Variants in FYCO1 observed in about 807,000 individuals in gnomAD.
FYCO1 encodes the protein FYVE and coiled-coil domain autophagy adaptor 1.
FYCO1 carries 122 observed loss-of-function variants against 165.1 expected under a neutral mutation model. That is an observed-to-expected ratio of 0.74 (90% CI 0.64 to 0.86). The LOEUF (loss-of-function observed/expected upper bound fraction) is 0.86. Among genes scored for constraint, FYCO1 ranks in the 40% least tolerant of loss-of-function variants. The probability of loss-of-function intolerance (pLI) is 0.00; values close to 1 mark genes in which losing one functional copy is unlikely to be tolerated. For synonymous variants in FYCO1, 648 were observed against 742.5 expected (o/e 0.87, Z 2.07); for missense variants, 1,702 against 1,810.3 (o/e 0.94, Z 1.09).
intron 1 of FYCO1, among the ~76,000 whole-genome samples, chr3:45,991,890 G>A (rs538461706): frequency 1.9e-3 from 290 of 152,306 alleles, no homozygotes; most frequent in Non-Finnish European, 3.1e-3. Flanking sequence ...ATGAGGCCAT[G>A]AGAGTGGGCC....
At chr3:45,931,760 T>C (rs750906955) in intron 15 of FYCO1, among the ~76,000 whole-genome samples, 1 of 152,244 alleles carries the variant, frequency 6.6e-6, no homozygotes, top group South Asian at 2.1e-4. Context: ...CCTTCTGATA[T>C]AGTCCATCTT....
rs376895837 is a variant in FYCO1, at chr3:45,965,222, TTC to T, written c.3058-99_3058-98del. On this transcript the variant is annotated intron_variant, in intron 8 of 17. Transcript: ENST00000296137. The stretch of plus-strand genomic sequence containing the variant: ...CCAAACAGATAAAACCAAGCTAACT[TTC>T]TCTTTTTCCCTGCAAACTGGCTCCT... The T allele has an allele frequency of 2.5e-3, 2,302 of 910,336 alleles. 5 individuals carry two copies. The highest frequency in any genetic ancestry group is 3.6e-3 in the Non-Finnish European group (2,049 of 570,250). 56.4% of individuals were successfully genotyped at this position (910,336 alleles called of 1,614,324 possible). A position where few individuals can be genotyped will look rare whatever the true frequency, so the allele number is the denominator to read the frequency against.
At chr3:45,932,555 C>T (rs1254343462) in intron 15 of FYCO1, among the ~76,000 whole-genome samples, 1 of 152,226 alleles carries the variant, frequency 6.6e-6, no homozygotes, top group Non-Finnish European at 1.5e-5. Flanking sequence ...AAATGTATTA[C>T]TATCCCCTTT....
Position 45,973,072 on chromosome 3 carries a change from C to T in FYCO1, c.539+16G>A, listed in dbSNP as rs757067238. On this transcript the variant is annotated intron_variant, in intron 6 of 17. Transcript: ENST00000296137. The stretch of plus-strand genomic sequence containing the variant: ...CTCTTTTCCTGTCTTTTAAACCAAG[C>T]AATCCTTCAAAGTACCTGGCAAATG... The T allele has an allele frequency of 1.2e-6, 2 of 1,613,966 alleles. No homozygotes were observed. Among genetic ancestry groups the T allele is most frequent in the African/African-American group, 2.7e-5 (2 of 74,914 alleles).
At position 45,967,213 on chromosome 3, in the gene FYCO1, G is replaced by T. The variant is rs761520600; in HGVS notation, c.2121C>A (p.Gly707=). ...CCTCCTCCCGCAGCTGCTGACACTCGCCCTCCTTGCTCTGTAGAATGGCCT... is the reference window on the plus strand; with the variant it reads ...CCTCCTCCCGCAGCTGCTGACACTCTCCCTCCTTGCTCTGTAGAATGGCCT... ...EKEAILQSKE[G]ECQQLREEVE... The change falls in exon 8 of 18, where the codon GGC becomes GGA. Residue 707 remains glycine (G), a synonymous_variant. Transcript: ENST00000296137. 1.1e-5 allele frequency: 18 copies of T among 1,613,834 alleles called. No individual in the cohort carries two copies. The East Asian group carries it at 4.0e-4, about 36-fold the overall frequency.
intron 13 of FYCO1, 107 bp from the exon 14 acceptor site, chr3:45,955,500 C>T: frequency 8.0e-7 from 1 of 1,252,986 alleles, no homozygotes; most frequent in Non-Finnish European, 1.2e-6. Flanking sequence ...GCAGAACAAG[C>T]TGCTGAGGCA....
chr3:45,988,384 C>T (rs1021103254), intron 1 of FYCO1, among the ~76,000 whole-genome samples: 32 of 152,178 alleles, frequency 2.1e-4, no homozygotes, highest in Admixed American at 4.6e-4. Context: ...ATAAGCTTGC[C>T]CTTTCATTGA....
At chr3:45,947,403 T>G in intron 14 of FYCO1, 2 of 1,614,252 alleles carry the variant, frequency 1.2e-6, no homozygotes, top group Middle Eastern at 1.6e-4. Flanking sequence ...GGACATTGGT[T>G]GCCTCCCTTA....
chr3:45,934,652 A>G (rs950514486), intron 15 of FYCO1, among the ~76,000 whole-genome samples: 11 of 152,266 alleles, frequency 7.2e-5, no homozygotes, highest in African/African-American at 1.2e-4. Context: ...AAGTCAATCA[A>G]TGCAATCCAT....
Position 45,962,104 on chromosome 3 carries a change from T to C in FYCO1, c.3437+121A>G, listed in dbSNP as rs927431539. On this transcript the variant is annotated intron_variant, in intron 11 of 17. Transcript: ENST00000296137. This position sits in a 1 kb window ranked among gnomAD's most constrained non-coding sequence, Gnocchi z 4.4. The stretch of plus-strand genomic sequence containing the variant: ...AGATGGAGAAGGAGAGAGGGGCTCC[T>C]GAGACAGCAGCAAGAAAGTGGGGAA... The C allele has an allele frequency of 6.3e-6, 7 of 1,119,570 alleles. No homozygotes were observed. Among genetic ancestry groups the C allele is most frequent in the African/African-American group, 3.0e-5 (2 of 65,658 alleles). The allele number at this position is 1,119,570 out of a possible 1,614,324, so 69.4% of individuals were successfully genotyped here.
Position 45,969,657 on chromosome 3 carries a change from C to A in FYCO1, c.630+18G>T, listed in dbSNP as rs769630313. On this transcript the variant is annotated intron_variant, in intron 7 of 17. Coordinates refer to ENST00000296137, the MANE Select transcript of FYCO1 (RefSeq NM_024513.4). ...GTAGAAGCTATAGGAAGATAATTCC[C>A]AGCCTTCCTGGCCTTACCTGCAGGT... 1.9e-6 allele frequency: 3 copies of A among 1,604,148 alleles called. No homozygotes were observed. The highest frequency in any genetic ancestry group is 1.7e-6 in the Non-Finnish European group (2 of 1,171,122).
Position 45,962,369 on chromosome 3 carries a change from G to A in FYCO1, c.3293C>T (p.Ala1098Val), listed in dbSNP as rs375466746. The A allele has an allele frequency of 6.2e-7, 1 of 1,614,036 alleles. No individual in the cohort carries two copies. Among genetic ancestry groups the A allele is most frequent in the Non-Finnish European group, 8.5e-7 (1 of 1,180,030 alleles). The change falls in exon 11 of 18, where the codon GCC becomes GTC. Residue 1098 changes from alanine to valine, a missense_variant. Physicochemically the swap from Ala to Val is moderately conservative, Grantham distance 64 (BLOSUM62 0). Coordinates refer to ENST00000296137, the MANE Select transcript of FYCO1 (RefSeq NM_024513.4). This position sits in a 1 kb window ranked among gnomAD's most constrained non-coding sequence, Gnocchi z 4.4. ...GTAATACTCTTGGATTTTTGTTGTG[G>A]CTTTTTCGAGTTCCTTCTGGGTCCT... ...LERTQKELEK[A>V]TTKIQEYYNK...
chr3:45,971,725 C>G (rs1411907784), intron 6 of FYCO1, among the ~76,000 whole-genome samples: 1 of 152,120 alleles, frequency 6.6e-6, no homozygotes, highest in East Asian at 1.9e-4. Context: ...GACTGAAAAA[C>G]TGTTCAAAAT....
At chr3:45,948,518 G>A (rs962167035) in intron 14 of FYCO1, among the ~76,000 whole-genome samples, 6 of 152,222 alleles carry the variant, frequency 3.9e-5, no homozygotes, top group Admixed American at 1.3e-4. Flanking sequence ...TTTCACTGTG[G>A]TTTCTAACCT....
chr3:45,994,218 C>CAAAA (rs11328676), intron 1 of FYCO1, among the ~76,000 whole-genome samples: 1 of 136,912 alleles, frequency 7.3e-6, no homozygotes. Context: ...AAAGTAACTG[C>CAAAA]AAAAAAAAAA....
intron 14 of FYCO1, among the ~76,000 whole-genome samples, chr3:45,951,380 G>A (rs1212173048): frequency 6.6e-6 from 1 of 152,196 alleles, no homozygotes; most frequent in Non-Finnish European, 1.5e-5. Context: ...GAGCCTGGAG[G>A]TGGCAGACCA....
intron 13 of FYCO1, among the ~76,000 whole-genome samples, chr3:45,956,205 G>A (rs999083595): frequency 6.6e-6 from 1 of 151,842 alleles, no homozygotes; most frequent in African/African-American, 2.4e-5. Flanking sequence ...GTGTGGTGGC[G>A]GGCACCTGTA....
intron 13 of FYCO1, among the ~76,000 whole-genome samples, chr3:45,956,906 T>C (rs1705362027): frequency 2.0e-5 from 3 of 152,112 alleles, no homozygotes; most frequent in Admixed American, 2.0e-4. Flanking sequence ...CTAAAACTTA[T>C]ATAGAAAAAC....
At chr3:45,952,319 G>T (rs1195873003) in intron 14 of FYCO1, among the ~76,000 whole-genome samples, 1 of 151,980 alleles carries the variant, frequency 6.6e-6, no homozygotes, top group Non-Finnish European at 1.5e-5. Flanking sequence ...TCTTGCCAGG[G>T]ATGCTTACAC....
Sources: gnomAD v4.1 joint callset for allele counts (sites outside exome capture counted in the v4.1 genomes callset) on GRCh38, gnomAD v4.1.1 for gene constraint, Gnocchi (gnomAD v3.1) non-coding constraint, MANE v1.5 for transcripts, NCBI Gene and HGNC (gene_info 2026-07-23, HGNC 2026-07-21) for gene names.